Variants in PGP observed in about 807,000 individuals in gnomAD.
PGP encodes aspartate-based ubiquitous Mg(2+)-dependent phosphatase.
A neutral mutation model predicts 19.3 loss-of-function variants in PGP; 9 were observed. The observed-to-expected ratio is 0.47, with a 90% CI of 0.28 to 0.81. The LOEUF (loss-of-function observed/expected upper bound fraction) is 0.81, where lower values mean the gene tolerates loss of function less well. Among genes scored for constraint, PGP ranks in the 40% least tolerant of loss-of-function variants. The pLI, the probability that PGP is intolerant of heterozygous loss-of-function variation, is 0.11. For missense variants in PGP, 403 were observed against 479.9 expected (o/e 0.84, Z 1.50); for synonymous variants, 308 against 226.8 (o/e 1.36, Z -3.22).
rs2093376282 is a variant in PGP, at chr16:2,211,896, T to A, written c.*1832A>T. On this transcript the variant is annotated 3_prime_UTR_variant, in exon 2 of 2. Coordinates refer to ENST00000333503, the MANE Select transcript of PGP (RefSeq NM_001042371.3). ...GGCAGTTGGCATTCCAGCTCTGGAG[T>A]TGGAACCCCAGTTACCCATCTACTT... is the stretch of plus-strand genomic sequence containing the variant. The A allele has an allele frequency of 1.0e-6, 1 of 985,294 alleles. No individual in the cohort carries two copies. Among genetic ancestry groups the A allele is most frequent in the African/African-American group, 1.7e-5 (1 of 57,208 alleles). The allele number at this position is 985,294 out of a possible 1,614,324, so 61.0% of individuals were successfully genotyped here.
In PGP at chr16:2,211,911, C is replaced by T. The variant is rs2093376329; in HGVS notation, c.*1817G>A. On this transcript the variant is annotated 3_prime_UTR_variant, in exon 2 of 2. Coordinates refer to ENST00000333503, the MANE Select transcript of PGP (RefSeq NM_001042371.3). ...AGCTCTGGAGTTGGAACCCCAGTTA[C>T]CCATCTACTTTGAGTCCTCCCACCC... The T allele has an allele frequency of 3.0e-6, 3 of 985,526 alleles. No homozygotes were observed. Among genetic ancestry groups the T allele is most frequent in the Middle Eastern group, 5.2e-4 (1 of 1,914 alleles). 61.0% of individuals were successfully genotyped at this position (985,526 alleles called of 1,614,324 possible). A position where few individuals can be genotyped will look rare whatever the true frequency, so the allele number is the denominator to read the frequency against.
Position 2,211,903 on chromosome 16 carries a change from C to T in PGP, c.*1825G>A, listed in dbSNP as rs2093376299. On this transcript the variant is annotated 3_prime_UTR_variant, in exon 2 of 2. Coordinates refer to ENST00000333503, the MANE Select transcript of PGP (RefSeq NM_001042371.3). ...GGCATTCCAGCTCTGGAGTTGGAAC[C>T]CCAGTTACCCATCTACTTTGAGTCC... The T allele has an allele frequency of 1.0e-6, 1 of 985,392 alleles. No homozygotes were observed. The highest frequency in any genetic ancestry group is 1.7e-5 in the African/African-American group (1 of 57,238). 61.0% of individuals were successfully genotyped at this position (985,392 alleles called of 1,614,324 possible).
At position 2,213,994 on chromosome 16, in the gene PGP, C is replaced by G; in HGVS notation, c.700G>C (p.Gly234Arg). 6.2e-7 allele frequency: 1 copy of G among 1,607,654 alleles called. No homozygotes were observed. The highest frequency in any genetic ancestry group is 8.5e-7 in the Non-Finnish European group (1 of 1,176,166). ...MAAQRQADII[G>R]KPSRFIFDCV... ...TCGAAAATGAAGCGGCTGGGCTTCCCGATGATGTCGGCCTGGCGCTGGGCG... is the reference window on the plus strand; with the variant it reads ...TCGAAAATGAAGCGGCTGGGCTTCCGGATGATGTCGGCCTGGCGCTGGGCG... The change falls in exon 2 of 2, where the codon GGG (glycine) becomes CGG (arginine). Residue 234 changes from glycine to arginine, a missense_variant. By Grantham distance (125) the Gly-to-Arg change is moderately radical. Transcript: ENST00000333503.
rs2093376930 is a variant in PGP, at chr16:2,212,132, C to A, written c.*1596G>T. The A allele has an allele frequency of 1.0e-6, 1 of 985,568 alleles. No individual in the cohort carries two copies. Among genetic ancestry groups the A allele is most frequent in the Admixed American group, 6.1e-5 (1 of 16,278 alleles). 61.1% of individuals were successfully genotyped at this position (985,568 alleles called of 1,614,324 possible). A position where few individuals can be genotyped will look rare whatever the true frequency, so the allele number is the denominator to read the frequency against. On this transcript the variant is annotated 3_prime_UTR_variant, in exon 2 of 2. Coordinates refer to ENST00000333503, the MANE Select transcript of PGP (RefSeq NM_001042371.3). ...ACTGAGGCTGCATCTGCCATGCGCT[C>A]CTGGTGTGACTGCACCCTGTCAGGC...
Position 2,211,868 on chromosome 16 carries a change from G to A in PGP, c.*1860C>T, listed in dbSNP as rs2093376213. ...CATCTTCCTCTGAACCAGGCTGGGA[G>A]TGGGCAGTTGGCATTCCAGCTCTGG... On this transcript the variant is annotated 3_prime_UTR_variant, in exon 2 of 2. Transcript: ENST00000333503. 3.0e-6 allele frequency: 3 copies of A among 985,566 alleles called. No homozygotes were observed. Among genetic ancestry groups the A allele is most frequent in the Non-Finnish European group, 3.6e-6 (3 of 830,000 alleles). The allele number at this position is 985,566 out of a possible 1,614,324, so 61.1% of individuals were successfully genotyped here.
chr16:2,211,835 C>G lies in PGP; in HGVS notation c.*1893G>C, dbSNP rs924490209. 2.0e-6 allele frequency: 2 copies of G among 985,460 alleles called. No individual in the cohort carries two copies. Among genetic ancestry groups the G allele is most frequent in the African/African-American group, 3.5e-5 (2 of 57,242 alleles). The allele number at this position is 985,460 out of a possible 1,614,324, so 61.0% of individuals were successfully genotyped here. A position where few individuals can be genotyped will look rare whatever the true frequency, so the allele number is the denominator to read the frequency against. ...CCTTTGTGCCTGGCTTTCCCTCATT[C>G]TTCAAAACATCTTCCTCTGAACCAG... On this transcript the variant is annotated 3_prime_UTR_variant, in exon 2 of 2. Coordinates refer to ENST00000333503, the MANE Select transcript of PGP (RefSeq NM_001042371.3).
chr16:2,214,779 G>C lies in PGP; in HGVS notation c.-2C>G. On this transcript the variant is annotated 5_prime_UTR_variant, in exon 1 of 2. Transcript: ENST00000333503. The surrounding 1 kb of genome is among the most constrained non-coding windows in gnomAD (Gnocchi z 7.1). ...GCCACCGGCCTCCGCCGCCGCCATC[G>C]CCGCCCGCCGGCCGCCGCCGCCCGC... 1.0e-6 allele frequency: 1 copy of C among 993,986 alleles called. No individual in the cohort carries two copies. Among genetic ancestry groups the C allele is most frequent in the Non-Finnish European group, 1.2e-6 (1 of 828,422 alleles). The allele number at this position is 993,986 out of a possible 1,614,324, so 61.6% of individuals were successfully genotyped here.
chr16:2,211,604 G>T lies in PGP; in HGVS notation c.*2124C>A. ...CGCTAATTTTTGTATTTTTAGTAGA[G>T]ATGGGTTTTCACCATTTTGGCCAGG... On this transcript the variant is annotated 3_prime_UTR_variant, in exon 2 of 2. Transcript: ENST00000333503. The T allele has an allele frequency of 1.2e-6, 1 of 859,342 alleles. No homozygotes were observed. The highest frequency in any genetic ancestry group is 1.4e-6 in the Non-Finnish European group (1 of 715,012). The allele number at this position is 859,342 out of a possible 1,614,324, so 53.2% of individuals were successfully genotyped here.
rs2093380303 is a variant in PGP at position 2,213,401 on chromosome 16, T to C, written c.*327A>G. On this transcript the variant is annotated 3_prime_UTR_variant, in exon 2 of 2. Transcript: ENST00000333503. ...CAATAAAATACAGGACACACACCCC[T>C]AGACCCGCCTCAGTCCCATCGGCAG... The C allele has an allele frequency of 5.0e-6, 5 of 1,005,988 alleles. No homozygotes were observed. The highest frequency in any genetic ancestry group is 4.0e-5 in the South Asian group (1 of 24,876). 62.3% of individuals were successfully genotyped at this position (1,005,988 alleles called of 1,614,324 possible). A position where few individuals can be genotyped will look rare whatever the true frequency, so the allele number is the denominator to read the frequency against.
Position 2,212,916 on chromosome 16 carries a change from G to C in PGP, c.*812C>G, listed in dbSNP as rs1324332422. ...CCATTGCCTGACACAGTTGTTCAAA[G>C]TTAAAAACTGGTAGCAGCACTGCTC... On this transcript the variant is annotated 3_prime_UTR_variant, in exon 2 of 2. Transcript: ENST00000333503. 4 of 935,290 alleles carry C rather than the reference G, an allele frequency of 4.3e-6. No homozygotes were observed. Among genetic ancestry groups the C allele is most frequent in the Admixed American group, 1.7e-4 (2 of 11,584 alleles). The allele number at this position is 935,290 out of a possible 1,614,324, so 57.9% of individuals were successfully genotyped here.
Position 2,213,208 on chromosome 16 carries a change from A to T in PGP, c.*520T>A. 1.0e-6 allele frequency: 1 copy of T among 985,642 alleles called. No individual in the cohort carries two copies. The highest frequency in any genetic ancestry group is 1.2e-6 in the Non-Finnish European group (1 of 830,020). 61.1% of individuals were successfully genotyped at this position (985,642 alleles called of 1,614,324 possible). A position where few individuals can be genotyped will look rare whatever the true frequency, so the allele number is the denominator to read the frequency against. On this transcript the variant is annotated 3_prime_UTR_variant, in exon 2 of 2. Transcript: ENST00000333503. ...CAAGGGCAGGGAGATGCCACCTGGG[A>T]GCAGCCGCCTCCTCCACTCCCACCC...
At position 2,212,063 on chromosome 16, in the gene PGP, G is replaced by T. The variant is rs1466985162; in HGVS notation, c.*1665C>A. 2 of 985,472 alleles carry T rather than the reference G, an allele frequency of 2.0e-6. No individual in the cohort carries two copies. The highest frequency in any genetic ancestry group is 2.4e-6 in the Non-Finnish European group (2 of 829,906). The allele number at this position is 985,472 out of a possible 1,614,324, so 61.0% of individuals were successfully genotyped here. On this transcript the variant is annotated 3_prime_UTR_variant, in exon 2 of 2. Coordinates refer to ENST00000333503, the MANE Select transcript of PGP (RefSeq NM_001042371.3). ...TGCAGCCCCTCATGGGCCAGAGACA[G>T]GATGCACGGGGACTCCCAGCCCCTA... is the stretch of plus-strand genomic sequence containing the variant.
chr16:2,214,783 C>T lies in PGP; in HGVS notation c.-6G>A. On this transcript the variant is annotated 5_prime_UTR_variant, in exon 1 of 2. Transcript: ENST00000333503. The surrounding 1 kb of genome is among the most constrained non-coding windows in gnomAD (Gnocchi z 7.1). ...CCGGCCTCCGCCGCCGCCATCGCCG[C>T]CCGCCGGCCGCCGCCGCCCGCCGGC... The T allele has an allele frequency of 2.1e-6, 2 of 970,606 alleles. No individual in the cohort carries two copies. The highest frequency in any genetic ancestry group is 3.5e-5 in the African/African-American group (2 of 56,476). 60.1% of individuals were successfully genotyped at this position (970,606 alleles called of 1,614,324 possible).
At position 2,211,860 on chromosome 16, in the gene PGP, G is replaced by A. The variant is rs2093376196; in HGVS notation, c.*1868C>T. On this transcript the variant is annotated 3_prime_UTR_variant, in exon 2 of 2. Coordinates refer to ENST00000333503, the MANE Select transcript of PGP (RefSeq NM_001042371.3). Reference sequence around the variant, plus strand: ...CTTCAAAACATCTTCCTCTGAACCAGGCTGGGAGTGGGCAGTTGGCATTCC... The same window carrying A: ...CTTCAAAACATCTTCCTCTGAACCAAGCTGGGAGTGGGCAGTTGGCATTCC... The A allele has an allele frequency of 1.0e-6, 1 of 985,410 alleles. No homozygotes were observed. Among genetic ancestry groups the A allele is most frequent in the Non-Finnish European group, 1.2e-6 (1 of 829,978 alleles). 61.0% of individuals were successfully genotyped at this position (985,410 alleles called of 1,614,324 possible). A position where few individuals can be genotyped will look rare whatever the true frequency, so the allele number is the denominator to read the frequency against.
chr16:2,214,754 G>C lies in PGP; in HGVS notation c.24C>G (p.Gly8=). The C allele has an allele frequency of 8.5e-7, 1 of 1,171,558 alleles. No individual in the cohort carries two copies. Among genetic ancestry groups the C allele is most frequent in the Non-Finnish European group, 1.1e-6 (1 of 948,650 alleles). 72.6% of individuals were successfully genotyped at this position (1,171,558 alleles called of 1,614,324 possible). The change falls in exon 1 of 2, where the codon GGC becomes GGG. Residue 8 remains glycine (G), a synonymous_variant. Coordinates refer to ENST00000333503, the MANE Select transcript of PGP (RefSeq NM_001042371.3). This position sits in a 1 kb window ranked among gnomAD's most constrained non-coding sequence, Gnocchi z 7.1. MAAAEAG[G]DDARCVRLSA... Reference sequence around the variant, plus strand: ...TCAGCCGCACGCAGCGGGCGTCGTCGCCACCGGCCTCCGCCGCCGCCATCG... The same window carrying C: ...TCAGCCGCACGCAGCGGGCGTCGTCCCCACCGGCCTCCGCCGCCGCCATCG...
Position 2,214,454 on chromosome 16 carries a change from G to A in PGP, c.324C>T (p.Tyr108=). The A allele has an allele frequency of 7.4e-7, 1 of 1,343,930 alleles. No individual in the cohort carries two copies. Among genetic ancestry groups the A allele is most frequent in the Non-Finnish European group, 9.5e-7 (1 of 1,056,548 alleles). 83.3% of individuals were successfully genotyped at this position (1,343,930 alleles called of 1,614,324 possible). A position where few individuals can be genotyped will look rare whatever the true frequency, so the allele number is the denominator to read the frequency against. ...VFGTAYCTAL[Y]LRQRLAGAPA... ...GGGCGCCGGCCAGGCGCTGGCGCAGGTAGAGCGCGGTGCAGTAGGCCGTGC... is the reference window on the plus strand; with the variant it reads ...GGGCGCCGGCCAGGCGCTGGCGCAGATAGAGCGCGGTGCAGTAGGCCGTGC... Residue 108 remains tyrosine, a synonymous_variant, in exon 1 of 2, where the codon TAC becomes TAT. Coordinates refer to ENST00000333503, the MANE Select transcript of PGP (RefSeq NM_001042371.3). The surrounding 1 kb of genome is among the most constrained non-coding windows in gnomAD (Gnocchi z 7.1).
chr16:2,211,956 C>T lies in PGP; in HGVS notation c.*1772G>A, dbSNP rs376725307. On this transcript the variant is annotated 3_prime_UTR_variant, in exon 2 of 2. Transcript: ENST00000333503. ...CCACCCGTGGTGAGACGGCATCACC[C>T]GGGCCAATGCAAGGTGAGAGCAAGG... 14 of 985,448 alleles carry T rather than the reference C, an allele frequency of 1.4e-5. No homozygotes were observed. In the Admixed American group the frequency reaches 1.8e-4, roughly 13 times the overall value. 61.0% of individuals were successfully genotyped at this position (985,448 alleles called of 1,614,324 possible).
rs1397098683 is a variant in PGP at position 2,212,787 on chromosome 16, A to G, written c.*941T>C. 2 of 985,362 alleles carry G rather than the reference A, an allele frequency of 2.0e-6. No individual in the cohort carries two copies. The highest frequency in any genetic ancestry group is 2.4e-6 in the Non-Finnish European group (2 of 829,954). 61.0% of individuals were successfully genotyped at this position (985,362 alleles called of 1,614,324 possible). On this transcript the variant is annotated 3_prime_UTR_variant, in exon 2 of 2. Transcript: ENST00000333503. ...CTGGATGACAGGCATTCCTTGGCCA[A>G]CACATGCTTCAGCCGCGCTGCCGGC...
rs2093380421 is a variant in PGP at position 2,213,446 on chromosome 16, C to T, written c.*282G>A. ...CGGCAGGCCCTGGTTACCTGAATCC[C>T]GGACAGGTGCAGAGCCTGCCCCTGC... On this transcript the variant is annotated 3_prime_UTR_variant, in exon 2 of 2. Coordinates refer to ENST00000333503, the MANE Select transcript of PGP (RefSeq NM_001042371.3). 2 of 847,108 alleles carry T rather than the reference C, an allele frequency of 2.4e-6. No homozygotes were observed. The highest frequency in any genetic ancestry group is 4.2e-5 in the South Asian group (1 of 23,814). 52.5% of individuals were successfully genotyped at this position (847,108 alleles called of 1,614,324 possible). A position where few individuals can be genotyped will look rare whatever the true frequency, so the allele number is the denominator to read the frequency against.
Sources: gnomAD v4.1 joint callset for allele counts on GRCh38, gnomAD v4.1.1 for gene constraint, Gnocchi (gnomAD v3.1) non-coding constraint, MANE v1.5 for transcripts, NCBI Gene and HGNC (gene_info 2026-07-23, HGNC 2026-07-21) for gene names.